Variants in ZHX2 observed in about 807,000 individuals in gnomAD.
The protein encoded by ZHX2 is zinc fingers and homeoboxes 2, also known as zinc fingers and homeoboxes protein 2.
Under a neutral mutation model 21.9 loss-of-function variants are expected in ZHX2, and 6 were observed. The ratio of observed to expected loss-of-function variants is 0.27; its 90% CI spans 0.15 to 0.54. The LOEUF is 0.54. ZHX2 is among the 20% of genes least tolerant of loss of function. ZHX2 has a pLI of 0.95. For synonymous variants in ZHX2, 434 were observed against 437.1 expected, an observed-to-expected ratio of 0.99 and a Z score of 0.09; for missense variants, 908 against 1,090.7, an observed-to-expected ratio of 0.83 and a Z score of 2.36.
At chr8:122,819,671 T>A (rs778922263) in intron 1 of ZHX2, among the ~76,000 whole-genome samples, 1 of 152,158 alleles carries the variant, frequency 6.6e-6, no homozygotes, top group African/African-American at 2.4e-5. Flanking sequence ...GGACCCCAGC[T>A]CATTTTTGGC....
At chr8:122,843,682 G>A (rs151113215) in intron 1 of ZHX2, among the ~76,000 whole-genome samples, 2,893 of 152,310 alleles carry the variant, frequency 0.019, 49 homozygotes, top group Non-Finnish European at 0.028. Flanking sequence ...GCTGGCTGAT[G>A]TTCTGTTTGG....
chr8:122,962,211 C>A (rs1185361296), intron 3 of ZHX2, among the ~76,000 whole-genome samples: 1 of 152,158 alleles, frequency 6.6e-6, no homozygotes, highest in Non-Finnish European at 1.5e-5. Context: ...TCTGAGCTTT[C>A]GGTGCACCTA....
At chr8:122,813,209 A>G (rs1220044880) in intron 1 of ZHX2, among the ~76,000 whole-genome samples, 2 of 151,982 alleles carry the variant, frequency 1.3e-5, no homozygotes, top group African/African-American at 2.4e-5. Flanking sequence ...AAAAAAAAAA[A>G]AAAGAAAAAA....
At chr8:122,880,018 G>C (rs188938074) in intron 2 of ZHX2, among the ~76,000 whole-genome samples, 2 of 149,556 alleles carry the variant, frequency 1.3e-5, no homozygotes, top group East Asian at 3.9e-4. Context: ...TGTTGTCCAG[G>C]CTAGAGTACA....
chr8:122,792,045 G>A (rs1388324575), intron 1 of ZHX2, among the ~76,000 whole-genome samples: 1 of 152,078 alleles, frequency 6.6e-6, no homozygotes, highest in East Asian at 1.9e-4. Flanking sequence ...ACAAAATTAT[G>A]CAACCATTAC....
At chr8:122,826,538 G>C (rs1044854390) in intron 1 of ZHX2, among the ~76,000 whole-genome samples, 1 of 152,160 alleles carries the variant, frequency 6.6e-6, no homozygotes, top group Non-Finnish European at 1.5e-5. Context: ...TTATGAAAGG[G>C]TCTGGGTCAG....
chr8:122,794,630 C>T (rs1034208777), intron 1 of ZHX2, among the ~76,000 whole-genome samples: 1 of 152,082 alleles, frequency 6.6e-6, no homozygotes, highest in African/African-American at 2.4e-5. Context: ...TAATTTCTGA[C>T]CCATAGGATC....
chr8:122,836,748 CT>C (rs1818508336), intron 1 of ZHX2, among the ~76,000 whole-genome samples: 2 of 152,232 alleles, frequency 1.3e-5, no homozygotes, highest in Non-Finnish European at 2.9e-5. Context: ...GGCTTTCTTC[CT>C]GCTTCTGCTA....
chr8:122,867,211 A>G (rs907297931), intron 2 of ZHX2, among the ~76,000 whole-genome samples: 27 of 152,214 alleles, frequency 1.8e-4, no homozygotes, highest in African/African-American at 6.5e-4. Flanking sequence ...GTTTTATATC[A>G]GAGGGACAAG....
At chr8:122,906,121 A>C (rs1332269688) in intron 2 of ZHX2, among the ~76,000 whole-genome samples, 1 of 152,204 alleles carries the variant, frequency 6.6e-6, no homozygotes, top group East Asian at 1.9e-4. Context: ...TAAACCCCAA[A>C]CTATGGAAAA....
intron 1 of ZHX2, among the ~76,000 whole-genome samples, chr8:122,783,349 C>T (rs1441224871): frequency 2.0e-5 from 3 of 152,124 alleles, no homozygotes; most frequent in African/African-American, 7.2e-5. Flanking sequence ...AACCTGCTCT[C>T]TGATCACTTT....
At chr8:122,805,848 A>AT (rs1817812436) in intron 1 of ZHX2, among the ~76,000 whole-genome samples, 1 of 151,986 alleles carries the variant, frequency 6.6e-6, no homozygotes, top group African/African-American at 2.4e-5. Context: ...CTGCTCTGGG[A>AT]TTTTTGAACT....
chr8:122,899,294 A>C (rs1475309778), intron 2 of ZHX2, among the ~76,000 whole-genome samples: 1 of 151,948 alleles, frequency 6.6e-6, no homozygotes, highest in Non-Finnish European at 1.5e-5. Context: ...TCTTCACAGC[A>C]CTGGGAACAT....
chr8:122,821,861 C>T (rs1000831356), intron 1 of ZHX2, among the ~76,000 whole-genome samples: 19 of 152,090 alleles, frequency 1.2e-4, no homozygotes, highest in Non-Finnish European at 5.9e-5. Flanking sequence ...TGTGCCACCA[C>T]GCCTGGCTAA....
At chr8:122,962,534 A>G (rs1813482608) in intron 3 of ZHX2, among the ~76,000 whole-genome samples, 1 of 152,220 alleles carries the variant, frequency 6.6e-6, no homozygotes, top group South Asian at 2.1e-4. Flanking sequence ...GTTGATGGGC[A>G]TCTAGGCTCG....
intron 3 of ZHX2, among the ~76,000 whole-genome samples, chr8:122,965,032 T>C (rs1563610250): frequency 7.9e-6 from 1 of 126,888 alleles, no homozygotes; most frequent in East Asian, 2.1e-4. Flanking sequence ...TTCTCTCTTC[T>C]GTTTTTTTTT....
intron 2 of ZHX2, among the ~76,000 whole-genome samples, chr8:122,882,164 C>A (rs893302009): frequency 1.3e-5 from 2 of 152,056 alleles, no homozygotes; most frequent in Non-Finnish European, 2.9e-5. Flanking sequence ...CCTGAGATAC[C>A]AGCCCTCCCT....
chr8:122,866,807 A>T (rs910251046), intron 2 of ZHX2, among the ~76,000 whole-genome samples: 2 of 152,148 alleles, frequency 1.3e-5, no homozygotes, highest in Non-Finnish European at 2.9e-5. Flanking sequence ...GCATCTCTAG[A>T]CAAAATAATT....
At chr8:122,889,845 G>T (rs1386795449) in intron 2 of ZHX2, among the ~76,000 whole-genome samples, 17 of 152,136 alleles carry the variant, frequency 1.1e-4, no homozygotes, top group Non-Finnish European at 1.5e-5. Flanking sequence ...GGAGGTTGGG[G>T]GATGGGGGGA....
Sources: allele counts gnomAD v4.1 joint callset (sites outside exome capture counted in the v4.1 genomes callset), GRCh38; gene constraint gnomAD v4.1.1; transcripts MANE v1.5; gene names NCBI Gene and HGNC (gene_info 2026-07-23, HGNC 2026-07-21).